Variants in PPP6R3 observed in about 807,000 individuals in gnomAD.
PPP6R3 encodes serine/threonine-protein phosphatase 6 regulatory subunit 3.
A neutral mutation model predicts 110.7 loss-of-function variants in PPP6R3; 38 were observed. The observed-to-expected ratio is 0.34, with a 90% CI of 0.26 to 0.45. The LOEUF (loss-of-function observed/expected upper bound fraction) is 0.45, where lower values mean the gene tolerates loss of function less well. Ranked by LOEUF, PPP6R3 falls within the 20% of genes least tolerant of loss-of-function variation. The pLI is 1.00. For missense variants in PPP6R3, 870 were observed against 1,062.4 expected (o/e 0.82, Z 2.52); for synonymous variants, 369 against 373.5 (o/e 0.99, Z 0.14).
intron 1 of PPP6R3, among the ~76,000 whole-genome samples, chr11:68,510,613 G>A (rs1328630676): frequency 6.6e-6 from 1 of 152,066 alleles, no homozygotes; most frequent in Non-Finnish European, 1.5e-5. Context: ...TGTGATTATA[G>A]GCATGAGCCC....
chr11:68,522,285 A>T (rs1229449427), intron 2 of PPP6R3, among the ~76,000 whole-genome samples: 1 of 152,250 alleles, frequency 6.6e-6, no homozygotes, highest in Non-Finnish European at 1.5e-5. Flanking sequence ...AAACATGTCC[A>T]CTGCCAATCT....
intron 6 of PPP6R3, among the ~76,000 whole-genome samples, chr11:68,553,057 C>A (rs757627806): frequency 6.6e-6 from 1 of 152,148 alleles, no homozygotes; most frequent in Non-Finnish European, 1.5e-5. Context: ...CTCCTGATTC[C>A]AGTCAGTGGG....
intron 1 of PPP6R3, among the ~76,000 whole-genome samples, chr11:68,470,142 AT>A (rs1311292481): frequency 3.3e-5 from 5 of 152,326 alleles, no homozygotes; most frequent in African/African-American, 1.2e-4. Flanking sequence ...TGGAGCTTAC[AT>A]TTTGGTAGGG....
intron 22 of PPP6R3, chr11:68,609,652 TTCTTTA>T (rs763546445): frequency 1.4e-5 from 21 of 1,555,364 alleles, no homozygotes; most frequent in Non-Finnish European, 1.8e-5. Flanking sequence ...TATGGGACCG[TTCTTTA>T]TCAGACGCCA....
intron 1 of PPP6R3, among the ~76,000 whole-genome samples, chr11:68,468,410 C>G (rs2098764229): frequency 2.0e-5 from 3 of 152,102 alleles, no homozygotes; most frequent in Admixed American, 2.0e-4. Context: ...CAAGTGAGAC[C>G]CTGCCCCTTC....
At chr11:68,485,997 A>G (rs2098944522) in intron 1 of PPP6R3, among the ~76,000 whole-genome samples, 1 of 149,384 alleles carries the variant, frequency 6.7e-6, no homozygotes, top group African/African-American at 2.5e-5. Flanking sequence ...CAGTGAAACC[A>G]CTTTCTTAAC....
intron 19 of PPP6R3, among the ~76,000 whole-genome samples, chr11:68,597,254 G>T (rs573135506): frequency 1.1e-4 from 16 of 152,278 alleles, no homozygotes; most frequent in Admixed American, 1.0e-3. Context: ...AGGCCTCTTT[G>T]TAGAGGCAGG....
chr11:68,566,677 T>C (rs2099472896), intron 9 of PPP6R3, among the ~76,000 whole-genome samples: 1 of 152,188 alleles, frequency 6.6e-6, no homozygotes, highest in Non-Finnish European at 1.5e-5. Context: ...TCTTTTAGTT[T>C]AGATTTCTGG....
intron 9 of PPP6R3, among the ~76,000 whole-genome samples, chr11:68,565,391 G>A (rs1046316219): frequency 1.3e-5 from 2 of 151,960 alleles, no homozygotes; most frequent in Non-Finnish European, 2.9e-5. Context: ...TCTGCATTCA[G>A]CCTGTGTTGG....
At chr11:68,579,922 T>G (rs963722336) in intron 14 of PPP6R3, among the ~76,000 whole-genome samples, 2 of 152,220 alleles carry the variant, frequency 1.3e-5, no homozygotes, top group African/African-American at 4.8e-5. Context: ...TCTATGATGT[T>G]CGCATGATGA....
chr11:68,512,594 G>A (rs889624673), intron 1 of PPP6R3, among the ~76,000 whole-genome samples: 3 of 152,100 alleles, frequency 2.0e-5, no homozygotes, highest in African/African-American at 4.8e-5. Context: ...GTCTTTATTC[G>A]TAAATTAAGT....
chr11:68,559,275 G>A (rs1291615756), intron 8 of PPP6R3, among the ~76,000 whole-genome samples: 1 of 152,164 alleles, frequency 6.6e-6, no homozygotes, highest in Non-Finnish European at 1.5e-5. Context: ...TGTGGCCTTC[G>A]CCCCTGGACC....
chr11:68,567,532 A>G (rs529061932), intron 10 of PPP6R3, among the ~76,000 whole-genome samples: 19 of 152,332 alleles, frequency 1.2e-4, no homozygotes, highest in Non-Finnish European at 2.2e-4. Flanking sequence ...AGGTATCTGT[A>G]TAACGTACCT....
At chr11:68,463,138 C>T (rs1354565270) in intron 1 of PPP6R3, among the ~76,000 whole-genome samples, 2 of 152,008 alleles carry the variant, frequency 1.3e-5, no homozygotes, top group African/African-American at 2.4e-5. Context: ...CTTTGGGAGG[C>T]CGAGGCTGGC....
At chr11:68,593,031 A>G (rs1020962358) in intron 18 of PPP6R3, among the ~76,000 whole-genome samples, 7 of 152,238 alleles carry the variant, frequency 4.6e-5, no homozygotes, top group African/African-American at 1.7e-4. Flanking sequence ...TAACAACTCT[A>G]TTGAGGCATA....
chr11:68,574,011 GGTTTAAAATGATT>G, intron 12 of PPP6R3, 85 bp from the exon 13 acceptor site: 1 of 815,620 alleles, frequency 1.2e-6, no homozygotes, highest in Non-Finnish European at 2.1e-6. Flanking sequence ...GTGCCTTCAG[GGTTTAAAATGATT>G]GTTTAAAAGT....
chr11:68,613,898 ATTTT>A lies in PPP6R3; in HGVS notation c.*796_*799del, dbSNP rs11309470. 1.0e-4 allele frequency: 92 copies of A among 917,778 alleles called. No homozygotes were observed. The highest frequency in any genetic ancestry group is 3.9e-4 in the African/African-American group (19 of 49,228). 56.9% of individuals were successfully genotyped at this position (917,778 alleles called of 1,614,324 possible). On this transcript the variant is annotated 3_prime_UTR_variant, in exon 24 of 24. Transcript: ENST00000393800. ...GAGTGTATATGGCTTGTGTTTTGGG[ATTTT>A]TTTTTTTTTTTTTTGGCTTTTGTTT...
At chr11:68,530,791 A>G (rs2099234462) in intron 2 of PPP6R3, among the ~76,000 whole-genome samples, 1 of 152,240 alleles carries the variant, frequency 6.6e-6, no homozygotes, top group African/African-American at 2.4e-5. Context: ...TCCTGGGTAC[A>G]GTTATTTCGC....
intron 14 of PPP6R3, among the ~76,000 whole-genome samples, chr11:68,576,606 A>G (rs2099532578): frequency 2.1e-5 from 3 of 142,968 alleles, no homozygotes. Context: ...TTTGGAATGT[A>G]TTTTTTGGTT....
Sources: allele counts gnomAD v4.1 joint callset (sites outside exome capture counted in the v4.1 genomes callset), GRCh38; gene constraint gnomAD v4.1.1; transcripts MANE v1.5; gene names NCBI Gene and HGNC (gene_info 2026-07-23, HGNC 2026-07-21).